Variants in KIAA0930 observed in about 807,000 individuals in gnomAD.
The protein encoded by KIAA0930 is uncharacterized protein KIAA0930.
KIAA0930 carries 24 observed loss-of-function variants against 43.9 expected under a neutral mutation model. The observed-to-expected ratio is 0.55, with a 90% CI of 0.40 to 0.77. The LOEUF (loss-of-function observed/expected upper bound fraction) is 0.77. Among genes scored for constraint, KIAA0930 ranks in the 30% least tolerant of loss-of-function variants. KIAA0930 has a pLI of 0.00. For missense variants in KIAA0930, 461 were observed against 574.2 expected, an observed-to-expected ratio of 0.80 and a Z score of 2.02; for synonymous variants, 259 against 216.4, an observed-to-expected ratio of 1.20 and a Z score of -1.73.
At chr22:45,235,738 T>C (rs2083884729) in intron 1 of KIAA0930, among the ~76,000 whole-genome samples, 1 of 152,216 alleles carries the variant, frequency 6.6e-6, no homozygotes, top group African/African-American at 2.4e-5. Context: ...TCTCATTTAC[T>C]CCCTGTCACT....
chr22:45,229,352 C>CCACCCCCCCACCACTAAA (rs2083836493), intron 1 of KIAA0930, among the ~76,000 whole-genome samples: 2 of 150,806 alleles, frequency 1.3e-5, no homozygotes, highest in Admixed American at 6.6e-5. Context: ...AGATCCCTCT[C>CCACCCCCCCACCACTAAA]CACTCCCCCA....
At chr22:45,235,049 C>T (rs1330314504) in intron 1 of KIAA0930, among the ~76,000 whole-genome samples, 2 of 151,902 alleles carry the variant, frequency 1.3e-5, no homozygotes, top group Non-Finnish European at 2.9e-5. Flanking sequence ...AGGATGTTAA[C>T]AAGTCTCCTG....
chr22:45,214,169 T>A (rs1051001962), intron 1 of KIAA0930, among the ~76,000 whole-genome samples: 3 of 151,860 alleles, frequency 2.0e-5, no homozygotes, highest in Non-Finnish European at 4.4e-5. Context: ...AGAACGAGAC[T>A]CTGTCTCAAC....
At position 45,211,463 on chromosome 22, in the gene KIAA0930, C is replaced by A. The variant is rs527758371; in HGVS notation, c.216+493G>T. On this transcript the variant is annotated intron_variant, in intron 2 of 9. Coordinates refer to ENST00000336156, the MANE Select transcript of KIAA0930 (RefSeq NM_001009880.2). ...AAAGGGGTAAGAACACCCACCCTGT[C>A]GAGTTGTTGGGACTTCACAAGGAGG... is the stretch of plus-strand genomic sequence containing the variant. 12 of 401,042 alleles carry A rather than the reference C, an allele frequency of 3.0e-5. No homozygotes were observed. The Admixed American group carries it at 4.3e-4, about 14-fold the overall frequency. The allele number at this position is 401,042 out of a possible 1,614,324, so 24.8% of individuals were successfully genotyped here. A position where few individuals can be genotyped will look rare whatever the true frequency, so the allele number is the denominator to read the frequency against.
intron 5 of KIAA0930, among the ~76,000 whole-genome samples, chr22:45,204,525 G>A (rs976505692): frequency 3.9e-5 from 6 of 152,156 alleles, no homozygotes; most frequent in South Asian, 2.1e-4. Flanking sequence ...TAGGAGCTAC[G>A]TGTGCCTGGG....
At chr22:45,202,754 C>T (rs2083600192) in intron 7 of KIAA0930, 1 of 464,778 alleles carries the variant, frequency 2.2e-6, no homozygotes, top group South Asian at 3.6e-5. Flanking sequence ...TGGCCAGGCA[C>T]AGCCCTCCAG....
At chr22:45,215,775 G>A (rs567577096) in intron 1 of KIAA0930, among the ~76,000 whole-genome samples, 2 of 152,316 alleles carry the variant, frequency 1.3e-5, no homozygotes, top group South Asian at 2.1e-4. Context: ...GCTAGGAGTG[G>A]AAGAATTGAA....
At chr22:45,198,931 G>T (rs930962593) in intron 8 of KIAA0930, among the ~76,000 whole-genome samples, 1 of 152,186 alleles carries the variant, frequency 6.6e-6, no homozygotes, top group African/African-American at 2.4e-5. Flanking sequence ...AATTACAGGG[G>T]TGAGCCACTG....
At chr22:45,224,204 C>G in intron 1 of KIAA0930, among the ~76,000 whole-genome samples, 1 of 152,298 alleles carries the variant, frequency 6.6e-6, no homozygotes, top group African/African-American at 2.4e-5. Context: ...ATGAAGGAAA[C>G]TGTCTATTTT....
chr22:45,237,647 T>C (rs1170571662), intron 1 of KIAA0930, among the ~76,000 whole-genome samples: 1 of 152,204 alleles, frequency 6.6e-6, no homozygotes, highest in Non-Finnish European at 1.5e-5. Flanking sequence ...TAACCCAAGC[T>C]TTTGCTAAAC....
intron 6 of KIAA0930, 71 bp from the exon 7 acceptor site, chr22:45,203,255 T>A: frequency 6.9e-7 from 1 of 1,453,520 alleles, no homozygotes. Flanking sequence ...CCCCAGGACA[T>A]GAACAGCCAG....
intron 5 of KIAA0930, among the ~76,000 whole-genome samples, chr22:45,204,653 CAG>C (rs2083619763): frequency 6.6e-6 from 1 of 152,054 alleles, no homozygotes; most frequent in East Asian, 1.9e-4. Flanking sequence ...AGGGCCTCAA[CAG>C]AGGAGAGACA....
intron 9 of KIAA0930, among the ~76,000 whole-genome samples, chr22:45,197,466 T>G (rs886302381): frequency 2.0e-5 from 3 of 152,156 alleles, no homozygotes; most frequent in African/African-American, 7.2e-5. Flanking sequence ...AGCCACTGCC[T>G]GTCACAGCTG....
intron 1 of KIAA0930, chr22:45,226,130 A>T (rs1369680294): frequency 2.4e-6 from 1 of 410,154 alleles, no homozygotes; most frequent in Non-Finnish European, 5.2e-6. Flanking sequence ...TTCAGAGAGC[A>T]CGCGGCAGCC....
chr22:45,205,135 G>A (rs941488337), intron 5 of KIAA0930, 82 bp downstream of exon 5: 6 of 1,176,884 alleles, frequency 5.1e-6, no homozygotes, highest in Non-Finnish European at 7.6e-6. Flanking sequence ...CTTTCTGCAA[G>A]GCTAAGGCCG....
intron 2 of KIAA0930, among the ~76,000 whole-genome samples, chr22:45,206,287 G>A (rs1283898086): frequency 6.6e-6 from 1 of 152,204 alleles, no homozygotes; most frequent in Non-Finnish European, 1.5e-5. Flanking sequence ...AAAGTACTGG[G>A]ATTACAGGTG....
At chr22:45,201,881 T>C (rs1479101915) in intron 7 of KIAA0930, among the ~76,000 whole-genome samples, 1 of 152,170 alleles carries the variant, frequency 6.6e-6, no homozygotes, top group African/African-American at 2.4e-5. Flanking sequence ...CCTGCGGTAA[T>C]GCATCGTTTA....
intron 1 of KIAA0930, among the ~76,000 whole-genome samples, chr22:45,228,355 A>G (rs1206929332): frequency 6.6e-6 from 1 of 151,898 alleles, no homozygotes; most frequent in Non-Finnish European, 1.5e-5. Context: ...GTGAGCAGTG[A>G]CCAGGCCAAC....
At chr22:45,219,577 T>C (rs133386) in intron 1 of KIAA0930, among the ~76,000 whole-genome samples, 4 of 133,668 alleles carry the variant, frequency 3.0e-5, no homozygotes, top group Non-Finnish European at 6.3e-5. Context: ...GGCCAAGAGG[T>C]GATTGTTTTT....
Sources: allele counts gnomAD v4.1 joint callset (sites outside exome capture counted in the v4.1 genomes callset), GRCh38; gene constraint gnomAD v4.1.1; transcripts MANE v1.5; gene names NCBI Gene and HGNC (gene_info 2026-07-23, HGNC 2026-07-21).